The following FRMD5 variants were observed in gnomAD, a reference collection of about 807,000 sequenced individuals.
FRMD5 encodes the protein FERM domain containing 5, also known as FERM domain-containing protein 5.
FRMD5 carries 20 observed loss-of-function variants against 69.0 expected under a neutral mutation model. That is an observed-to-expected ratio of 0.29 (90% CI 0.20 to 0.42). The LOEUF (loss-of-function observed/expected upper bound fraction) is 0.42, where lower values mean the gene tolerates loss of function less well. FRMD5 is among the 10% of genes least tolerant of loss of function. FRMD5 has a pLI of 1.00. For missense variants in FRMD5, 595 were observed against 708.6 expected, an observed-to-expected ratio of 0.84 and a Z score of 1.82; for synonymous variants, 271 against 260.1, an observed-to-expected ratio of 1.04 and a Z score of -0.40.
intron 1 of FRMD5, among the ~76,000 whole-genome samples, chr15:44,139,298 T>TAC (rs140679752): frequency 0.096 from 13,803 of 143,602 alleles, 973 homozygotes; most frequent in African/African-American, 0.21. Flanking sequence ...CCCCTCTCTC[T>TAC]ACACACACAC....
intron 7 of FRMD5, among the ~76,000 whole-genome samples, chr15:43,900,037 G>A (rs2089007177): frequency 6.6e-6 from 1 of 152,194 alleles, no homozygotes; most frequent in South Asian, 2.1e-4. Flanking sequence ...AGGGGACTGG[G>A]CAGGTTTGGG....
intron 1 of FRMD5, among the ~76,000 whole-genome samples, chr15:43,981,597 T>A (rs548729932): frequency 6.6e-6 from 1 of 152,364 alleles, no homozygotes; most frequent in African/African-American, 2.4e-5. Context: ...AATGTTTCTA[T>A]ATGGTACCAA....
At chr15:43,958,610 T>C (rs904887944) in intron 1 of FRMD5, among the ~76,000 whole-genome samples, 9 of 152,064 alleles carry the variant, frequency 5.9e-5, no homozygotes, top group Non-Finnish European at 1.0e-4. Context: ...TTTTTTGTAA[T>C]TTTTTTCGAG....
intron 1 of FRMD5, among the ~76,000 whole-genome samples, chr15:44,040,992 C>CAAAAAAAAAAAAAAA (rs71421819): frequency 5.7e-5 from 1 of 17,500 alleles, no homozygotes; most frequent in African/African-American, 1.7e-4. Flanking sequence ...AAATGGAAAG[C>CAAAAAAAAAAAAAAA]AAAAAAAAAA....
intron 1 of FRMD5, among the ~76,000 whole-genome samples, chr15:44,186,616 G>A (rs2078106950): frequency 6.6e-6 from 1 of 152,182 alleles, no homozygotes; most frequent in Non-Finnish European, 1.5e-5. Flanking sequence ...TTGGGCCTGT[G>A]GGCCTTTGCT....
rs575633000 is a variant in FRMD5 at position 43,873,480 on chromosome 15, C to G, written c.*405G>C. 7.0e-7 allele frequency: 1 copy of G among 1,422,012 alleles called. No individual in the cohort carries two copies. The highest frequency in any genetic ancestry group is 1.4e-5 in the African/African-American group (1 of 69,536). The allele number at this position is 1,422,012 out of a possible 1,614,324, so 88.1% of individuals were successfully genotyped here. A position where few individuals can be genotyped will look rare whatever the true frequency, so the allele number is the denominator to read the frequency against. ...GCAGAATACAGAGGACAGCAGCTCT[C>G]TAGTTTTCAACTAGTGTCCCCTCTG... is the stretch of plus-strand genomic sequence containing the variant. On this transcript the variant is annotated 3_prime_UTR_variant, in exon 14 of 14. Transcript: ENST00000417257.
At chr15:43,952,000 CTGTG>C (rs367759637) in intron 1 of FRMD5, among the ~76,000 whole-genome samples, 6,226 of 123,500 alleles carry the variant, frequency 0.05, 197 homozygotes, top group Admixed American at 0.11. Flanking sequence ...GTGTGTGTGT[CTGTG>C]TGTGTGTGTG....
intron 1 of FRMD5, among the ~76,000 whole-genome samples, chr15:44,009,872 G>C (rs190165090): frequency 6.6e-6 from 1 of 152,206 alleles, no homozygotes; most frequent in Non-Finnish European, 1.5e-5. Flanking sequence ...GTCCAACTCA[G>C]CTTATAAAAG....
intron 10 of FRMD5, among the ~76,000 whole-genome samples, chr15:43,887,493 G>A (rs1273997073): frequency 6.6e-6 from 1 of 152,236 alleles, no homozygotes; most frequent in Non-Finnish European, 1.5e-5. Context: ...AAAGGCTGCC[G>A]ATTCAGTGAA....
intron 1 of FRMD5, among the ~76,000 whole-genome samples, chr15:43,930,539 A>C (rs1330703549): frequency 6.6e-6 from 1 of 152,216 alleles, no homozygotes; most frequent in African/African-American, 2.4e-5. Context: ...GTGAGGCCCC[A>C]AAGTGGAGGG....
chr15:44,072,710 T>C (rs546530127), intron 1 of FRMD5, among the ~76,000 whole-genome samples: 1 of 152,320 alleles, frequency 6.6e-6, no homozygotes, highest in East Asian at 1.9e-4. Flanking sequence ...CTCTTTCAAC[T>C]AATTGGATTA....
rs548520550 is a variant in FRMD5 at position 43,950,512 on chromosome 15, C to A, written c.103-26203G>T. On this transcript the variant is annotated intron_variant, in intron 1 of 13. Coordinates refer to ENST00000417257, the MANE Select transcript of FRMD5 (RefSeq NM_032892.5). ...GCTACCTCAGGCATACTTGGAAATA[C>A]ATTTGCATTCACACCCATTCCTGTG... 6.6e-5 allele frequency among the ~76,000 whole-genome samples: 10 copies of A among 152,286 alleles called. No homozygotes were observed. The East Asian group carries it at 1.9e-3, about 29-fold the overall frequency.
intron 4 of FRMD5, among the ~76,000 whole-genome samples, chr15:43,912,260 TC>T (rs765632905): frequency 3.9e-5 from 6 of 151,912 alleles, no homozygotes; most frequent in Non-Finnish European, 7.4e-5. Context: ...ATCCCCTCAC[TC>T]CCACCAACCC....
Position 43,874,480 on chromosome 15 carries a change from A to G in FRMD5, c.1136-18T>C, listed in dbSNP as rs753784849. On this transcript the variant is annotated intron_variant, in intron 13 of 13. Transcript: ENST00000417257. ...CTCTAGGCCTAGAAAGGCAAAAGGA[A>G]CATGAGTAGGCTGTGTCCCAATGCA... 2 of 1,597,226 alleles carry G rather than the reference A, an allele frequency of 1.3e-6. No individual in the cohort carries two copies. The highest frequency in any genetic ancestry group is 3.3e-5 in the Admixed American group (2 of 59,988).
At chr15:44,066,956 G>T (rs144238484) in intron 1 of FRMD5, among the ~76,000 whole-genome samples, 58 of 152,214 alleles carry the variant, frequency 3.8e-4, no homozygotes, top group African/African-American at 1.4e-3. Flanking sequence ...AGGCAGAAAA[G>T]AAAGATTAGT....
At chr15:44,085,184 T>C (rs746126403) in intron 1 of FRMD5, among the ~76,000 whole-genome samples, 3 of 152,112 alleles carry the variant, frequency 2.0e-5, no homozygotes, top group Non-Finnish European at 4.4e-5. Flanking sequence ...TTGGAGAATA[T>C]TCATTAAATA....
chr15:43,973,763 A>G (rs916652263), intron 1 of FRMD5, among the ~76,000 whole-genome samples: 4 of 152,014 alleles, frequency 2.6e-5, no homozygotes, highest in Middle Eastern at 3.4e-3. Context: ...TCTAAATGCT[A>G]TATTTTCCTT....
chr15:44,142,917 C>T (rs914918961), intron 1 of FRMD5, among the ~76,000 whole-genome samples: 3 of 151,898 alleles, frequency 2.0e-5, no homozygotes, highest in Admixed American at 6.6e-5. Flanking sequence ...GGTGAAACCC[C>T]GTCTCTACTA....
intron 13 of FRMD5, among the ~76,000 whole-genome samples, chr15:43,881,177 G>A (rs942451507): frequency 1.3e-5 from 2 of 152,162 alleles, no homozygotes; most frequent in African/African-American, 4.8e-5. Flanking sequence ...TCCCTAGGGT[G>A]AGCCTTTTGT....
Sources: allele counts gnomAD v4.1 joint callset (sites outside exome capture counted in the v4.1 genomes callset), GRCh38; gene constraint gnomAD v4.1.1; transcripts MANE v1.5; gene names NCBI Gene and HGNC (gene_info 2026-07-23, HGNC 2026-07-21).